ENTPD5: variants seen among roughly 807,000 people sequenced by gnomAD.
ENTPD5 encodes nucleoside diphosphate phosphatase ENTPD5.
ENTPD5 carries 49 observed loss-of-function variants against 60.2 expected under a neutral mutation model. The observed-to-expected ratio is 0.81, with a 90% CI of 0.65 to 1.03. The LOEUF is 1.03. Among genes scored for constraint, ENTPD5 ranks in the 50% least tolerant of loss-of-function variants. The pLI is 0.00. For synonymous variants in ENTPD5, 187 were observed against 185.4 expected, an observed-to-expected ratio of 1.01 and a Z score of -0.07; for missense variants, 480 against 507.6, an observed-to-expected ratio of 0.95 and a Z score of 0.52.
downstream of ENTPD5, chr14:73,961,108 A>T (rs1400028398): frequency 3.9e-6 from 6 of 1,543,074 alleles, no homozygotes; most frequent in Middle Eastern, 1.7e-4. Flanking sequence ...AGGTTTCTTT[A>T]TTGAATTTTT....
At chr14:73,967,817 A>G (rs12883479) in intron 15 of ENTPD5, among the ~76,000 whole-genome samples, 2,077 of 136,570 alleles carry the variant, frequency 0.015, 25 homozygotes, top group African/African-American at 0.055. Context: ...AAAAAAAAAA[A>G]GAAAAAAAAA....
At chr14:73,987,284 G>C in intron 4 of ENTPD5, 1 of 620,500 alleles carries the variant, frequency 1.6e-6, no homozygotes, top group Non-Finnish European at 2.9e-6. Context: ...TGGATCCCTG[G>C]AGTATCCCAT....
At chr14:73,960,522 T>A, downstream of ENTPD5, 1 of 996,392 alleles carries the variant, frequency 1.0e-6, no homozygotes, top group Non-Finnish European at 1.2e-6. Context: ...AGATAAATGG[T>A]GAACACTACC....
intron 3 of ENTPD5, among the ~76,000 whole-genome samples, chr14:73,999,321 CTACTAAAAA>C (rs1418239202): frequency 4.6e-5 from 7 of 150,790 alleles, no homozygotes; most frequent in Non-Finnish European, 1.0e-4. Context: ...AACCCCATAT[CTACTAAAAA>C]TACAAAAATT....
downstream of ENTPD5, chr14:73,958,393 T>G: frequency 6.4e-7 from 1 of 1,556,446 alleles, no homozygotes. Context: ...AACTTTTGGT[T>G]ATGAGGACCA....
rs189437172 is a variant in ENTPD5, at chr14:73,988,862, C to T, written c.-70-690G>A. On this transcript the variant is annotated intron_variant, in intron 3 of 15. Coordinates refer to ENST00000334696, the MANE Select transcript of ENTPD5 (RefSeq NM_001249.5). ...TTTTTGAGACGGACTCTCACTCTGTCGCCCAGGCTGGAATGCAGTGGCGCA... is the reference window on the plus strand; with the variant it reads ...TTTTTGAGACGGACTCTCACTCTGTTGCCCAGGCTGGAATGCAGTGGCGCA... Among the ~76,000 whole-genome samples the T allele has an allele frequency of 2.6e-4, 40 of 152,186 alleles. No homozygotes were observed. The East Asian group carries it at 4.8e-3, about 18-fold the overall frequency.
At chr14:74,000,127 G>T (rs1381825472) in intron 3 of ENTPD5, among the ~76,000 whole-genome samples, 2 of 150,408 alleles carry the variant, frequency 1.3e-5, no homozygotes, top group Admixed American at 1.3e-4. Flanking sequence ...AAAAACACAG[G>T]ACTAACTCCC....
In ENTPD5 at chr14:73,972,977, G is replaced by A. The variant is rs142194519; in HGVS notation, c.934C>T (p.Arg312Ter). ...PCYAEVLRVV[R>*]GKLHQPEEVQ... ...TCCTCTGGCTGGTGAAGTTTTCCTC[G>A]TACCACCCTCAGCACTTCGGCATAG... The change falls in exon 13 of 16, where the codon CGA becomes TGA. Residue 312 changes from arginine to a stop codon, truncating the protein, a stop_gained. Coordinates refer to ENST00000334696, the MANE Select transcript of ENTPD5 (RefSeq NM_001249.5). LOFTEE classifies it high-confidence loss of function. 25 of 1,614,020 alleles carry A rather than the reference G, an allele frequency of 1.5e-5. No homozygotes were observed. The South Asian group carries it at 1.9e-4, about 12-fold the overall frequency.
At chr14:73,959,703 G>A, downstream of ENTPD5, 1 of 1,238,576 alleles carries the variant, frequency 8.1e-7, no homozygotes, top group South Asian at 1.4e-5. Context: ...CTAAGTAGCT[G>A]GGACTACAGG....
At chr14:73,987,052 G>C (rs1242193766) in intron 4 of ENTPD5, 159 bp from the exon 5 acceptor site, 1 of 719,300 alleles carries the variant, frequency 1.4e-6, no homozygotes, top group Non-Finnish European at 2.5e-6. Context: ...GTACTGGAAA[G>C]AAGGACTAGA....
intron 6 of ENTPD5, among the ~76,000 whole-genome samples, chr14:73,979,629 G>A (rs2057591715): frequency 6.6e-6 from 1 of 151,848 alleles, no homozygotes; most frequent in East Asian, 1.9e-4. Flanking sequence ...CTACCACCAC[G>A]CCTGGCTAAT....
chr14:73,957,559 T>A (rs777728722), downstream of ENTPD5, among the ~76,000 whole-genome samples: 12 of 152,124 alleles, frequency 7.9e-5, no homozygotes, highest in Non-Finnish European at 1.8e-4. Context: ...CACCTCAGCC[T>A]CCTGACTAAC....
downstream of ENTPD5, chr14:73,960,964 T>G: frequency 1.5e-6 from 1 of 669,052 alleles, no homozygotes; most frequent in Non-Finnish European, 2.6e-6. Context: ...AGGGGCCAGC[T>G]CATGTACAGT....
rs573593316 is a variant in ENTPD5, at chr14:73,982,980, A to C, written c.441+38T>G. On this transcript the variant is annotated intron_variant, in intron 6 of 15. Coordinates refer to ENST00000334696, the MANE Select transcript of ENTPD5 (RefSeq NM_001249.5). ...ACTCATAAAGTATTCATATAGGGAAAAGGGCAGAATGATCCAAGATGCAGT... is the reference window on the plus strand; with the variant it reads ...ACTCATAAAGTATTCATATAGGGAACAGGGCAGAATGATCCAAGATGCAGT... The C allele has an allele frequency of 1.1e-5, 17 of 1,597,592 alleles. No individual in the cohort carries two copies. The African/African-American group carries it at 2.2e-4, about 20-fold the overall frequency.
At chr14:74,010,805 T>A (rs532254037) in intron 3 of ENTPD5, among the ~76,000 whole-genome samples, 1 of 152,206 alleles carries the variant, frequency 6.6e-6, no homozygotes, top group Non-Finnish European at 1.5e-5. Flanking sequence ...TGATCAGTAC[T>A]GTCATGTGCC....
Position 73,988,191 on chromosome 14 carries a change from A to G in ENTPD5, c.-70-19T>C, listed in dbSNP as rs1011312028. The stretch of plus-strand genomic sequence containing the variant: ...GCAGAGGCTTATAGGACAAAGACAC[A>G]CAAGTTAGACCAACTAGCTTTTTTA... On this transcript the variant is annotated intron_variant, in intron 3 of 15. Transcript: ENST00000334696. 6.7e-7 allele frequency: 1 copy of G among 1,487,382 alleles called. No homozygotes were observed. Among genetic ancestry groups the G allele is most frequent in the South Asian group, 1.4e-5 (1 of 72,944 alleles). 92.1% of individuals were successfully genotyped at this position (1,487,382 alleles called of 1,614,324 possible). A position where few individuals can be genotyped will look rare whatever the true frequency, so the allele number is the denominator to read the frequency against.
intron 1 of ENTPD5, among the ~76,000 whole-genome samples, chr14:74,017,259 G>A (rs548191443): frequency 1.7e-4 from 26 of 151,934 alleles, no homozygotes; most frequent in African/African-American, 6.3e-4. Flanking sequence ...TGGAGGCTGC[G>A]GTGGGCCGAG....
downstream of ENTPD5, chr14:73,961,062 G>A: frequency 3.2e-6 from 4 of 1,245,616 alleles, no homozygotes; most frequent in Admixed American, 7.9e-5. Flanking sequence ...GTGTAGGCAA[G>A]TTGGGTAGCA....
chr14:73,962,039 C>G (rs762812464), downstream of ENTPD5: 118 of 1,034,434 alleles, frequency 1.1e-4, no homozygotes, highest in Non-Finnish European at 1.6e-4. Flanking sequence ...CCTCTGCCTC[C>G]CAGGTTCAAG....
Sources: allele counts gnomAD v4.1 joint callset (sites outside exome capture counted in the v4.1 genomes callset), GRCh38; gene constraint gnomAD v4.1.1; transcripts MANE v1.5; gene names NCBI Gene and HGNC (gene_info 2026-07-23, HGNC 2026-07-21).